The following ITPR1 variants were observed in gnomAD, a reference collection of about 807,000 sequenced individuals.
The protein encoded by ITPR1 is inositol 1,4,5-trisphosphate-gated calcium channel ITPR1.
ITPR1 carries 96 observed loss-of-function variants against 318.4 expected under a neutral mutation model. That is an observed-to-expected ratio of 0.30 (90% confidence interval 0.26 to 0.36). The LOEUF (loss-of-function observed/expected upper bound fraction) is 0.36, where lower values mean the gene tolerates loss of function less well. Ranked by LOEUF, ITPR1 falls within the 10% of genes least tolerant of loss-of-function variation. ITPR1 has a pLI of 1.00. For missense variants in ITPR1, 2,440 were observed against 3,460.2 expected (o/e 0.71, Z 7.40); for synonymous variants, 1,312 against 1,289.9 (o/e 1.02, Z -0.37).
At chr3:4,579,007 C>T (rs1030785457) in intron 4 of ITPR1, among the ~76,000 whole-genome samples, 1 of 152,144 alleles carries the variant, frequency 6.6e-6, no homozygotes, top group African/African-American at 2.4e-5. Context: ...TGTGATATTG[C>T]TGATTTTGCT....
chr3:4,830,265 C>T (rs2050386971), intron 60 of ITPR1, among the ~76,000 whole-genome samples: 1 of 152,066 alleles, frequency 6.6e-6, no homozygotes, highest in Non-Finnish European at 1.5e-5. Context: ...CGTGAGCCAC[C>T]ATGCCTGGCC....
intron 60 of ITPR1, among the ~76,000 whole-genome samples, chr3:4,827,688 C>A (rs191695353): frequency 2.5e-4 from 38 of 152,168 alleles, no homozygotes; most frequent in Admixed American, 1.8e-3. Flanking sequence ...TTCCAATAAG[C>A]AACATTCAGA....
At chr3:4,540,928 CT>C (rs947025303) in intron 4 of ITPR1, among the ~76,000 whole-genome samples, 11 of 151,678 alleles carry the variant, frequency 7.3e-5, no homozygotes, top group Non-Finnish European at 1.3e-4. Flanking sequence ...TTATTTCCCC[CT>C]CTACTGATTT....
At chr3:4,654,975 T>TCC (rs2093674316) in intron 12 of ITPR1, among the ~76,000 whole-genome samples, 1 of 152,158 alleles carries the variant, frequency 6.6e-6, no homozygotes, top group East Asian at 1.9e-4. Context: ...TTCATCCTTG[T>TCC]CACCCCTATT....
chr3:4,705,018 G>A (rs184087772), intron 36 of ITPR1, among the ~76,000 whole-genome samples: 8 of 151,722 alleles, frequency 5.3e-5, no homozygotes, highest in South Asian at 4.2e-4. Flanking sequence ...TTTTTTTTCC[G>A]CTAAATTGTG....
intron 4 of ITPR1, among the ~76,000 whole-genome samples, chr3:4,572,615 C>T (rs1222062913): frequency 6.6e-6 from 1 of 152,046 alleles, no homozygotes; most frequent in African/African-American, 2.4e-5. Context: ...CAAAATTTAC[C>T]ATTTTAACCA....
intron 37 of ITPR1, among the ~76,000 whole-genome samples, chr3:4,707,994 G>A (rs2094794799): frequency 6.6e-6 from 1 of 152,156 alleles, no homozygotes; most frequent in South Asian, 2.1e-4. Flanking sequence ...AATATAAAAT[G>A]GTGAGAGGGA....
intron 2 of ITPR1, among the ~76,000 whole-genome samples, chr3:4,495,807 A>G (rs2080513315): frequency 6.6e-6 from 1 of 152,324 alleles, no homozygotes; most frequent in South Asian, 2.1e-4. Context: ...GTGAGGCTGT[A>G]CTGCATCCCA....
chr3:4,529,235 G>C (rs1486943761), intron 4 of ITPR1, among the ~76,000 whole-genome samples: 1 of 152,140 alleles, frequency 6.6e-6, no homozygotes, highest in Non-Finnish European at 1.5e-5. Flanking sequence ...TTATGATTTA[G>C]TTGCTAATGG....
At chr3:4,573,549 C>G (rs1016050300) in intron 4 of ITPR1, among the ~76,000 whole-genome samples, 9 of 152,214 alleles carry the variant, frequency 5.9e-5, no homozygotes, top group African/African-American at 1.7e-4. Flanking sequence ...CCATCACACA[C>G]TGAGGATAAA....
At chr3:4,707,928 G>T (rs913268880) in intron 37 of ITPR1, among the ~76,000 whole-genome samples, 2 of 152,160 alleles carry the variant, frequency 1.3e-5, no homozygotes, top group African/African-American at 4.8e-5. Context: ...CAGAAATGAT[G>T]ATCTTTGTCT....
intron 4 of ITPR1, among the ~76,000 whole-genome samples, chr3:4,570,211 A>T (rs1361484010): frequency 1.3e-5 from 2 of 152,230 alleles, no homozygotes; most frequent in South Asian, 2.1e-4. Context: ...GAGCCTCATG[A>T]TATTATCAAA....
intron 18 of ITPR1, among the ~76,000 whole-genome samples, chr3:4,669,353 T>C (rs2094021804): frequency 6.6e-6 from 1 of 152,238 alleles, no homozygotes; most frequent in African/African-American, 2.4e-5. Flanking sequence ...GTGGTTCCCC[T>C]GTGTCTCCAC....
intron 31 of ITPR1, 40 bp from the exon 32 acceptor site, chr3:4,691,104 T>C: frequency 6.9e-7 from 1 of 1,440,164 alleles, no homozygotes; most frequent in Non-Finnish European, 9.5e-7. Flanking sequence ...TGTCAGCTTT[T>C]TGACTTGTCC....
At chr3:4,632,929 CTTTTTTTTTTTT>C (rs1156474451) in intron 5 of ITPR1, among the ~76,000 whole-genome samples, 5 of 66,020 alleles carry the variant, frequency 7.6e-5, no homozygotes, top group Non-Finnish European at 1.4e-4. Context: ...ACTTTCAGGT[CTTTTTTTTTTTT>C]TTTTTTTTTT....
chr3:4,585,287 T>C (rs2089781258), intron 4 of ITPR1, among the ~76,000 whole-genome samples: 1 of 152,168 alleles, frequency 6.6e-6, no homozygotes, highest in African/African-American at 2.4e-5. Flanking sequence ...ATACAGAATG[T>C]TTTGATTTAA....
At chr3:4,663,289 C>G in intron 16 of ITPR1, 83 bp downstream of exon 16, 1 of 1,343,966 alleles carries the variant, frequency 7.4e-7, no homozygotes, top group South Asian at 1.6e-5. Flanking sequence ...GTAGTCCCAG[C>G]ACTTTGGGAA....
intron 2 of ITPR1, among the ~76,000 whole-genome samples, chr3:4,510,162 A>T (rs1293258956): frequency 6.6e-6 from 1 of 152,048 alleles, no homozygotes; most frequent in Non-Finnish European, 1.5e-5. Context: ...AGAGGGAGGG[A>T]GATGTCTCAG....
At chr3:4,584,536 C>T (rs2089678493) in intron 4 of ITPR1, among the ~76,000 whole-genome samples, 2 of 145,846 alleles carry the variant, frequency 1.4e-5, no homozygotes, top group South Asian at 4.5e-4. Flanking sequence ...GAATCCTTCT[C>T]TCTTTGCCCA....
Sources: gnomAD v4.1 joint callset for allele counts (sites outside exome capture counted in the v4.1 genomes callset) on GRCh38, gnomAD v4.1.1 for gene constraint, MANE v1.5 for transcripts, NCBI Gene and HGNC (gene_info 2026-07-23, HGNC 2026-07-21) for gene names.